The following IMPA2 variants were observed in gnomAD, a reference collection of about 807,000 sequenced individuals.
The protein encoded by IMPA2 is IMP 2.
In IMPA2, 32 loss-of-function variants were observed where a neutral mutation model predicts 35.1. That is an observed-to-expected ratio of 0.91 (90% CI 0.69 to 1.23). The LOEUF is 1.23. Ranked by LOEUF, IMPA2 falls within the 50% of genes most tolerant of loss-of-function variation. IMPA2 has a pLI of 0.00. For synonymous variants in IMPA2, 135 were observed against 160.6 expected, an observed-to-expected ratio of 0.84 and a Z score of 1.20; for missense variants, 334 against 387.6, an observed-to-expected ratio of 0.86 and a Z score of 1.16.
chr18:12,014,984 G>A (rs1428144152), intron 5 of IMPA2, among the ~76,000 whole-genome samples: 1 of 152,204 alleles, frequency 6.6e-6, no homozygotes, highest in East Asian at 1.9e-4. Context: ...GCCAGTTTAG[G>A]TTTTCACTGA....
In IMPA2 at chr18:12,002,021, C is replaced by CA. The variant is rs1568030828; in HGVS notation, c.230+2835dup. Reference sequence around the variant, plus strand: ...CTGCTCAGTGTGCCTCAAAAATTGACATCAAATGCAGTTGTTTTTCAACAT... The same window carrying CA: ...CTGCTCAGTGTGCCTCAAAAATTGACAATCAAATGCAGTTGTTTTTCAACAT... On this transcript the variant is annotated intron_variant, in intron 2 of 7. Coordinates refer to ENST00000269159, the MANE Select transcript of IMPA2 (RefSeq NM_014214.3). 1.8e-4 allele frequency among the ~76,000 whole-genome samples: 28 copies of CA among 152,296 alleles called. No individual in the cohort carries two copies. The South Asian group carries it at 5.6e-3, about 30-fold the overall frequency.
intron 1 of IMPA2, chr18:11,994,429 C>A (rs1014657213): frequency 6.6e-6 from 1 of 152,178 alleles, no homozygotes; most frequent in East Asian, 1.9e-4. Flanking sequence ...CCTCTGAATC[C>A]ACTCTTCCCA....
intron 5 of IMPA2, among the ~76,000 whole-genome samples, chr18:12,025,610 C>T (rs1409709242): frequency 1.3e-5 from 2 of 152,204 alleles, no homozygotes; most frequent in East Asian, 1.9e-4. Flanking sequence ...GACGGAGGCT[C>T]ACTCTGTCAC....
chr18:12,028,643 A>G (rs966611245), intron 6 of IMPA2, 199 bp from the exon 7 acceptor site: 7 of 622,132 alleles, frequency 1.1e-5, no homozygotes, highest in African/African-American at 1.8e-5. Context: ...GTCATGGCAC[A>G]AGGCATTTGC....
intron 7 of IMPA2, 70 bp downstream of exon 7, chr18:12,029,063 CT>C: frequency 7.4e-7 from 1 of 1,346,840 alleles, no homozygotes; most frequent in Non-Finnish European, 1.0e-6. Flanking sequence ...GGGGCACTTC[CT>C]GAAGTCCCCA....
rs187339667 is a variant in IMPA2 at position 12,010,839 on chromosome 18, T to C, written c.335+852T>C. ...TGTTTATATGTAAAACATGAAGTTA[T>C]TCCATGCTAAGCACAGCCTTTTTCT... On this transcript the variant is annotated intron_variant, in intron 3 of 7. Coordinates refer to ENST00000269159, the MANE Select transcript of IMPA2 (RefSeq NM_014214.3). The surrounding 1 kb of genome is among the most constrained non-coding windows in gnomAD (Gnocchi z 4.8). Among the ~76,000 whole-genome samples, 9 of 152,328 alleles carry C rather than the reference T, an allele frequency of 5.9e-5. No individual in the cohort carries two copies. The highest frequency in any genetic ancestry group is 3.4e-3 in the Middle Eastern group (1 of 294).
intron 1 of IMPA2, among the ~76,000 whole-genome samples, chr18:11,988,225 C>T (rs1315504272): frequency 6.6e-6 from 1 of 151,752 alleles, no homozygotes; most frequent in Non-Finnish European, 1.5e-5. Context: ...AGGCCAGTCT[C>T]AAACTCCTGA....
At chr18:12,012,343 C>A in intron 4 of IMPA2, 128 bp downstream of exon 4, 2 of 778,322 alleles carry the variant, frequency 2.6e-6, no homozygotes, top group South Asian at 1.6e-5. Flanking sequence ...CTGGCAAATC[C>A]AAGCCTGTGG....
At chr18:12,027,561 ATGG>A (rs1482807451) in intron 5 of IMPA2, among the ~76,000 whole-genome samples, 1 of 118,272 alleles carries the variant, frequency 8.5e-6, no homozygotes, top group African/African-American at 3.5e-5. Context: ...TGGTTGAATG[ATGG>A]TGATTTTTTT....
chr18:11,988,163 G>A (rs900825484), intron 1 of IMPA2, among the ~76,000 whole-genome samples: 2 of 151,768 alleles, frequency 1.3e-5, no homozygotes, highest in South Asian at 4.2e-4. Context: ...GTGCCACCAC[G>A]CCTGGCTAAT....
chr18:12,006,162 A>G, intron 2 of IMPA2, among the ~76,000 whole-genome samples: 1 of 152,254 alleles, frequency 6.6e-6, no homozygotes, highest in East Asian at 1.9e-4. Flanking sequence ...CAGTGCTGAC[A>G]GCACTTATGA....
chr18:11,997,673 G>T (rs1484342960), intron 1 of IMPA2, among the ~76,000 whole-genome samples: 1 of 152,168 alleles, frequency 6.6e-6, no homozygotes. Context: ...CACAGGGCCT[G>T]GCATGAGCGG....
At chr18:11,987,520 G>A (rs572149980) in intron 1 of IMPA2, among the ~76,000 whole-genome samples, 7 of 152,122 alleles carry the variant, frequency 4.6e-5, no homozygotes, top group African/African-American at 1.7e-4. Context: ...TAGTAGAGAC[G>A]GCGTTTCACC....
At chr18:11,996,668 G>C (rs529403150) in intron 1 of IMPA2, among the ~76,000 whole-genome samples, 2 of 152,134 alleles carry the variant, frequency 1.3e-5, no homozygotes, top group Non-Finnish European at 2.9e-5. Flanking sequence ...CCTGCATCAG[G>C]GTCACCATAG....
rs140100753 is a variant in IMPA2, at chr18:12,009,902, G to A, written c.250G>A (p.Ala84Thr). The stretch of plus-strand genomic sequence containing the variant: ...CTGCAGGTTCATTGCAGAAGAGGCC[G>A]CGGCTTCTGGGGCCAAGTGTGTGCT... ...PSHRFIAEEA[A>T]ASGAKCVLTH... The change falls in exon 3 of 8, where the codon GCG (alanine) becomes ACG (threonine). Residue 84 changes from alanine to threonine, a missense_variant. Transcript: ENST00000269159. The A allele has an allele frequency of 4.1e-5, 66 of 1,614,096 alleles. No individual in the cohort carries two copies. Among genetic ancestry groups the A allele is most frequent in the East Asian group, 3.8e-4 (17 of 44,878 alleles).
At chr18:11,983,695 G>C (rs1030099272) in intron 1 of IMPA2, among the ~76,000 whole-genome samples, 1 of 151,958 alleles carries the variant, frequency 6.6e-6, no homozygotes, top group African/African-American at 2.4e-5. Flanking sequence ...CAGGAAGCCC[G>C]GGCCGCCCGG....
intron 5 of IMPA2, among the ~76,000 whole-genome samples, chr18:12,024,186 G>A (rs1194656094): frequency 5.9e-5 from 9 of 152,184 alleles, no homozygotes; most frequent in Admixed American, 5.2e-4. Context: ...TATATGAGAT[G>A]TTTTTATATT....
rs1218944691 is a variant in IMPA2, at chr18:12,012,208, G to A, written c.374G>A (p.Arg125Gln). 6 of 1,614,086 alleles carry A rather than the reference G, an allele frequency of 3.7e-6. No individual in the cohort carries two copies. The highest frequency in any genetic ancestry group is 1.3e-5 in the African/African-American group (1 of 75,054). The stretch of plus-strand genomic sequence containing the variant: ...GCGGTTAGCATTGGATTTGCTGTTC[G>A]ACAAGAGGTGCGGGTGTGGCCCAGG... ...TVAVSIGFAVRQELEFGVIYH... is the reference protein window; with the variant it reads ...TVAVSIGFAVQQELEFGVIYH... Residue 125 changes from arginine to glutamine, a missense_variant, in exon 4 of 8, where the codon CGA becomes CAA. Arg to Gln is a conservative substitution (Grantham distance 43). Coordinates refer to ENST00000269159, the MANE Select transcript of IMPA2 (RefSeq NM_014214.3).
intron 6 of IMPA2, chr18:12,028,392 C>G: frequency 1.9e-6 from 1 of 524,208 alleles, no homozygotes; most frequent in Non-Finnish European, 3.4e-6. Flanking sequence ...ATGGAACTGA[C>G]CTCATGCTGC....
Sources: allele counts gnomAD v4.1 joint callset (sites outside exome capture counted in the v4.1 genomes callset), GRCh38; gene constraint gnomAD v4.1.1; non-coding constraint Gnocchi (gnomAD v3.1); transcripts MANE v1.5; gene names NCBI Gene and HGNC (gene_info 2026-07-23, HGNC 2026-07-21).